The following GNAL variants were observed in gnomAD, a reference collection of about 807,000 sequenced individuals.
GNAL encodes G protein subunit alpha L.
Under a neutral mutation model 55.1 loss-of-function variants are expected in GNAL, and 18 were observed. That is an observed-to-expected ratio of 0.33 (90% CI 0.23 to 0.48). The LOEUF is 0.48. GNAL is among the 20% of genes least tolerant of loss of function. The probability of loss-of-function intolerance (pLI) is 0.99; values close to 1 mark genes in which losing one functional copy is unlikely to be tolerated. For synonymous variants in GNAL, 253 were observed against 237.0 expected, an observed-to-expected ratio of 1.07 and a Z score of -0.62; for missense variants, 412 against 614.1, an observed-to-expected ratio of 0.67 and a Z score of 3.48.
chr18:11,761,642 A>AT (rs910694477), intron 4 of GNAL, among the ~76,000 whole-genome samples: 7 of 151,898 alleles, frequency 4.6e-5, no homozygotes, highest in African/African-American at 1.7e-4. Flanking sequence ...TTTCTATGGG[A>AT]TTTTTTGCCT....
intron 4 of GNAL, among the ~76,000 whole-genome samples, chr18:11,765,111 A>G (rs1242333671): frequency 6.6e-6 from 1 of 152,236 alleles, no homozygotes; most frequent in Non-Finnish European, 1.5e-5. Flanking sequence ...TGCTCTTGAT[A>G]ATAAAAGCAC....
intron 10 of GNAL, chr18:11,874,309 C>G (rs1032284572): frequency 1.3e-5 from 2 of 152,174 alleles, no homozygotes; most frequent in Non-Finnish European, 2.9e-5. Context: ...TCAACTCTCA[C>G]TTAGCAATTA....
intron 4 of GNAL, among the ~76,000 whole-genome samples, chr18:11,803,408 G>T (rs2034569896): frequency 6.6e-6 from 1 of 152,220 alleles, no homozygotes; most frequent in Non-Finnish European, 1.5e-5. Context: ...GCCTTCCTTT[G>T]TAAGGATGAA....
Position 11,703,869 on chromosome 18 carries a change from C to T in GNAL, c.376+13930C>T, listed in dbSNP as rs2031643531. Among the ~76,000 whole-genome samples, 4 of 151,528 alleles carry T rather than the reference C, an allele frequency of 2.6e-5. 1 individual carries two copies. In the South Asian group the frequency reaches 8.3e-4, roughly 32 times the overall value. ...CAGGAAGCTCTGTGGCCATGTCAAC[C>T]CTTGCTGACTGGGGACAGATGGAGG... is the stretch of plus-strand genomic sequence containing the variant. On this transcript the variant is annotated intron_variant, in intron 1 of 11. Coordinates refer to ENST00000334049, the MANE Select transcript of GNAL (RefSeq NM_182978.4).
chr18:11,704,869 T>G (rs2031666568), intron 1 of GNAL, among the ~76,000 whole-genome samples: 1 of 152,118 alleles, frequency 6.6e-6, no homozygotes, highest in South Asian at 2.1e-4. Flanking sequence ...GTTTGGTTAG[T>G]TTTGACATGT....
chr18:11,752,340 A>C lies in GNAL; in HGVS notation c.377-513A>C, dbSNP rs1037554938. 9.4e-6 allele frequency: 14 copies of C among 1,493,710 alleles called. No individual in the cohort carries two copies. The highest frequency in any genetic ancestry group is 1.5e-5 in the African/African-American group (1 of 68,664). The allele number at this position is 1,493,710 out of a possible 1,614,324, so 92.5% of individuals were successfully genotyped here. A position where few individuals can be genotyped will look rare whatever the true frequency, so the allele number is the denominator to read the frequency against. On this transcript the variant is annotated intron_variant, in intron 1 of 11. Coordinates refer to ENST00000334049, the MANE Select transcript of GNAL (RefSeq NM_182978.4). The surrounding 1 kb of genome is among the most constrained non-coding windows in gnomAD (Gnocchi z 4.5). The stretch of plus-strand genomic sequence containing the variant: ...ACCATCTCTTTCAGCAGCAGGAAAG[A>C]GAGGAGCCGTCGCAGGAGCCGCACA...
At chr18:11,850,564 G>T (rs889846656) in intron 5 of GNAL, among the ~76,000 whole-genome samples, 2 of 152,188 alleles carry the variant, frequency 1.3e-5, no homozygotes, top group Non-Finnish European at 2.9e-5. Flanking sequence ...TGACAGTTTT[G>T]ATGTATGCCC....
chr18:11,760,917 G>A (rs9956983), intron 4 of GNAL, among the ~76,000 whole-genome samples: 29 of 152,322 alleles, frequency 1.9e-4, no homozygotes, highest in South Asian at 4.1e-4. Flanking sequence ...TAGAGATGAT[G>A]GCAACACCTA....
At chr18:11,690,927 C>G (rs2031227368) in intron 1 of GNAL, among the ~76,000 whole-genome samples, 1 of 149,248 alleles carries the variant, frequency 6.7e-6, no homozygotes, top group East Asian at 1.9e-4. Flanking sequence ...CGTACGTGTG[C>G]ATGTGTCTTT....
At position 11,864,669 on chromosome 18, in the gene GNAL, G is replaced by C. The variant is rs117700006; in HGVS notation, c.851+63G>C. On this transcript the variant is annotated intron_variant, in intron 7 of 11. Coordinates refer to ENST00000334049, the MANE Select transcript of GNAL (RefSeq NM_182978.4). Reference sequence around the variant, plus strand: ...CATGATGTCCCAGAGCCGAAGGGCTGTGAGGTTTAAGGGGGCTTCATTCCT... The same window carrying C: ...CATGATGTCCCAGAGCCGAAGGGCTCTGAGGTTTAAGGGGGCTTCATTCCT... 3,364 of 915,992 alleles carry C rather than the reference G, an allele frequency of 3.7e-3. 15 individuals are homozygous for C. Among genetic ancestry groups the C allele is most frequent in the Admixed American group, 7.7e-3 (454 of 59,036 alleles). The allele number at this position is 915,992 out of a possible 1,614,324, so 56.7% of individuals were successfully genotyped here.
At chr18:11,747,418 C>G (rs983402932) in intron 1 of GNAL, 6 of 174,992 alleles carry the variant, frequency 3.4e-5, no homozygotes, top group Non-Finnish European at 3.6e-5. Context: ...CCTTCAATAT[C>G]CTAAAGCCAA....
At chr18:11,742,384 G>T (rs1345711980) in intron 1 of GNAL, among the ~76,000 whole-genome samples, 1 of 152,226 alleles carries the variant, frequency 6.6e-6, no homozygotes, top group African/African-American at 2.4e-5. Flanking sequence ...CTGGGAGCTT[G>T]ATGCAGTGAA....
Position 11,694,961 on chromosome 18 carries a change from C to T in GNAL, c.376+5022C>T, listed in dbSNP as rs549133747. Among the ~76,000 whole-genome samples the T allele has an allele frequency of 9.9e-5, 15 of 152,152 alleles. No homozygotes were observed. The South Asian group carries it at 2.9e-3, about 29-fold the overall frequency. On this transcript the variant is annotated intron_variant, in intron 1 of 11. Coordinates refer to ENST00000334049, the MANE Select transcript of GNAL (RefSeq NM_182978.4). ...TCTCCGGTGTCTCTTCCTCTTCTTA[C>T]GAGGACACTGCGGGATTAGGGCCCC... is the stretch of plus-strand genomic sequence containing the variant.
At chr18:11,859,709 C>A (rs1289211900) in intron 5 of GNAL, among the ~76,000 whole-genome samples, 1 of 152,276 alleles carries the variant, frequency 6.6e-6, no homozygotes, top group East Asian at 1.9e-4. Flanking sequence ...AGCCCTGTCA[C>A]CTGGGCCATA....
chr18:11,817,269 C>T (rs1052997548), intron 4 of GNAL, among the ~76,000 whole-genome samples: 2 of 152,188 alleles, frequency 1.3e-5, no homozygotes, highest in African/African-American at 4.8e-5. Flanking sequence ...AACAGGGAAG[C>T]TAGCCAGCCT....
intron 8 of GNAL, among the ~76,000 whole-genome samples, chr18:11,867,628 C>T (rs1028857403): frequency 7.3e-5 from 11 of 151,132 alleles, no homozygotes; most frequent in Admixed American, 5.9e-4. Context: ...TCCTGGCTAA[C>T]GAGGTGAAAC....
At chr18:11,760,172 G>T (rs896807650) in intron 4 of GNAL, among the ~76,000 whole-genome samples, 2 of 152,152 alleles carry the variant, frequency 1.3e-5, no homozygotes, top group African/African-American at 4.8e-5. Flanking sequence ...CCATGTGCCT[G>T]CTAACTTAGG....
intron 4 of GNAL, among the ~76,000 whole-genome samples, chr18:11,795,390 C>CAAAAAA (rs752221474): frequency 1.5e-5 from 1 of 68,258 alleles, no homozygotes. Context: ...GACCCTGTCT[C>CAAAAAA]AAAAAAAAAA....
At chr18:11,816,995 G>A (rs2034974420) in intron 4 of GNAL, among the ~76,000 whole-genome samples, 1 of 152,058 alleles carries the variant, frequency 6.6e-6, no homozygotes, top group Non-Finnish European at 1.5e-5. Context: ...GCCTGGGGTG[G>A]TGGCACGGCT....
Sources: gnomAD v4.1 joint callset for allele counts (sites outside exome capture counted in the v4.1 genomes callset) on GRCh38, gnomAD v4.1.1 for gene constraint, Gnocchi (gnomAD v3.1) non-coding constraint, MANE v1.5 for transcripts, NCBI Gene and HGNC (gene_info 2026-07-23, HGNC 2026-07-21) for gene names.